CORO7: variants seen among roughly 807,000 people sequenced by gnomAD.
CORO7 encodes the protein coronin 7.
A neutral mutation model predicts 126.6 loss-of-function variants in CORO7; 107 were observed. That is an observed-to-expected ratio of 0.85 (90% CI 0.72 to 0.99). CORO7 has a LOEUF of 0.99. Ranked by LOEUF, CORO7 falls within the 50% of genes least tolerant of loss-of-function variation. The probability of loss-of-function intolerance (pLI) is 0.00; values close to 1 mark genes in which losing one functional copy is unlikely to be tolerated. For missense variants in CORO7, 1,314 were observed against 1,255.8 expected, an observed-to-expected ratio of 1.05 and a Z score of -0.70; for synonymous variants, 603 against 536.8, an observed-to-expected ratio of 1.12 and a Z score of -1.70.
At chr16:4,408,348 C>G in intron 3 of CORO7, 97 bp from the exon 4 acceptor site, 1 of 1,545,574 alleles carries the variant, frequency 6.5e-7, no homozygotes. Context: ...TTTGTGTGCA[C>G]ACAGAAACAG....
Position 4,416,477 on chromosome 16 carries a change from A to G in CORO7, c.42T>C (p.Ala14=), listed in dbSNP as rs774784230. Residue 14 remains alanine, a synonymous_variant, in exon 1 of 28, where the codon GCT becomes GCC. Transcript: ENST00000251166. The stretch of plus-strand genomic sequence containing the variant: ...GACTCACCTCGCGGCGGGGCGGCCG[A>G]GCCTCGGTGTGCCGGAACTTGGACA... ...FRVSKFRHTE[A]RPPRRESWIS... is the part of the protein sequence containing the mutation. The G allele has an allele frequency of 6.3e-7, 1 of 1,577,408 alleles. No homozygotes were observed. Among genetic ancestry groups the G allele is most frequent in the Non-Finnish European group, 8.6e-7 (1 of 1,165,382 alleles).
At chr16:4,412,176 G>A (rs911739178) in intron 3 of CORO7, among the ~76,000 whole-genome samples, 180 bp downstream of exon 3, 6 of 151,976 alleles carry the variant, frequency 3.9e-5, no homozygotes, top group Admixed American at 1.3e-4. Flanking sequence ...TGCCCAGGCC[G>A]GAATTCTACA....
chr16:4,373,826 C>G (rs1025200564), intron 9 of CORO7, among the ~76,000 whole-genome samples: 13 of 152,176 alleles, frequency 8.5e-5, no homozygotes, highest in African/African-American at 2.9e-4. Flanking sequence ...GCCAGACAGC[C>G]AGTCCTGCCA....
In CORO7 at chr16:4,396,634, C is replaced by T. The variant is rs78751998; in HGVS notation, c.565-1295G>A. Among the ~76,000 whole-genome samples, 10 of 152,274 alleles carry T rather than the reference C, an allele frequency of 6.6e-5. No homozygotes were observed. The East Asian group carries it at 1.5e-3, about 23-fold the overall frequency. ...GGGGCTGGTTAACTTTTCCTTTTTA[C>T]GTCTTAGCACAGGTCTATTTTGTTT... is the stretch of plus-strand genomic sequence containing the variant. On this transcript the variant is annotated intron_variant, in intron 6 of 27. Coordinates refer to ENST00000251166, the MANE Select transcript of CORO7 (RefSeq NM_024535.5).
Position 4,362,560 on chromosome 16 carries a change from G to A in CORO7, c.1402+52C>T. The A allele has an allele frequency of 6.7e-7, 1 of 1,494,580 alleles. No individual in the cohort carries two copies. The highest frequency in any genetic ancestry group is 8.9e-7 in the Non-Finnish European group (1 of 1,124,048). 92.6% of individuals were successfully genotyped at this position (1,494,580 alleles called of 1,614,324 possible). A position where few individuals can be genotyped will look rare whatever the true frequency, so the allele number is the denominator to read the frequency against. ...GTACACAGGAGGATGACGGGGAGTG[G>A]GGCAGACAGGGCTCCTGCGGTAGGG... On this transcript the variant is annotated intron_variant, in intron 15 of 27. Transcript: ENST00000251166. The surrounding 1 kb of genome is among the most constrained non-coding windows in gnomAD (Gnocchi z 5.3).
At chr16:4,359,701 C>T in intron 21 of CORO7, 80 bp from the exon 22 acceptor site, 1 of 1,504,226 alleles carries the variant, frequency 6.6e-7, no homozygotes, top group South Asian at 1.3e-5. Flanking sequence ...CCACGTAGCC[C>T]CTGCTCTGTT....
chr16:4,404,640 C>T (rs1567299570), intron 6 of CORO7, among the ~76,000 whole-genome samples: 2 of 152,252 alleles, frequency 1.3e-5, no homozygotes, highest in East Asian at 3.9e-4. Context: ...TCTAGCGCCC[C>T]CTCTCTGCCA....
chr16:4,402,472 C>G (rs1453224154), intron 6 of CORO7, among the ~76,000 whole-genome samples: 1 of 151,544 alleles, frequency 6.6e-6, no homozygotes, highest in South Asian at 2.1e-4. Context: ...ATCTTGAACT[C>G]CTGGGCTCAA....
chr16:4,362,003 T>C lies in CORO7; in HGVS notation c.1560A>G (p.Gly520=), dbSNP rs2054195720. 1 of 1,609,218 alleles carries C rather than the reference T, an allele frequency of 6.2e-7. No homozygotes were observed. Among genetic ancestry groups the C allele is most frequent in the Non-Finnish European group, 8.5e-7 (1 of 1,178,218 alleles). The change falls in exon 16 of 28, where the codon GGA becomes GGG. Residue 520 remains glycine (G), a synonymous_variant. Coordinates refer to ENST00000251166, the MANE Select transcript of CORO7 (RefSeq NM_024535.5). The surrounding 1 kb of genome is among the most constrained non-coding windows in gnomAD (Gnocchi z 5.3). ...CCCTCACCTCAAGCACAGCCACCTG[T>C]CCCCCGCTGCTGAGCAGCGGCACGG... is the stretch of plus-strand genomic sequence containing the variant. ...RVAVPLLSSG[G]QVAVLELRKP...
At position 4,362,947 on chromosome 16, in the gene CORO7, T is replaced by A; in HGVS notation, c.1276-209A>T. On this transcript the variant is annotated intron_variant, in intron 14 of 27. Coordinates refer to ENST00000251166, the MANE Select transcript of CORO7 (RefSeq NM_024535.5). The surrounding 1 kb of genome is among the most constrained non-coding windows in gnomAD (Gnocchi z 5.3). Reference sequence around the variant, plus strand: ...AGCTTCAGACCGCGGGGACAGCAAGTGGCAGCTGCTGGCTCCCAGCCCTGC... The same window carrying A: ...AGCTTCAGACCGCGGGGACAGCAAGAGGCAGCTGCTGGCTCCCAGCCCTGC... The A allele has an allele frequency of 2.2e-6, 1 of 458,428 alleles. No individual in the cohort carries two copies. The highest frequency in any genetic ancestry group is 3.6e-6 in the Non-Finnish European group (1 of 281,182). The allele number at this position is 458,428 out of a possible 1,614,324, so 28.4% of individuals were successfully genotyped here. A position where few individuals can be genotyped will look rare whatever the true frequency, so the allele number is the denominator to read the frequency against.
intron 12 of CORO7, 31 bp downstream of exon 12, chr16:4,364,744 C>G: frequency 6.2e-7 from 1 of 1,600,882 alleles, no homozygotes; most frequent in East Asian, 2.3e-5. Flanking sequence ...ACTCCCCAGC[C>G]CCCGCAGTCC....
At chr16:4,406,939 A>G (rs1468182161) in intron 5 of CORO7, among the ~76,000 whole-genome samples, 1 of 151,012 alleles carries the variant, frequency 6.6e-6, no homozygotes, top group Non-Finnish European at 1.5e-5. Flanking sequence ...GCGCCCGGCC[A>G]AAGTTATTTT....
rs775869483 is a variant in CORO7, at chr16:4,361,228, G to A, written c.1708C>T (p.Arg570Ter). The change falls in exon 18 of 28, where the codon CGA becomes TGA. Residue 570 changes from arginine to a stop codon, truncating the protein, a stop_gained. Coordinates refer to ENST00000251166, the MANE Select transcript of CORO7 (RefSeq NM_024535.5). LOFTEE classifies it high-confidence loss of function. ...LAVAGEDARI[R>*]LWRVPAEGLE... ...CCCTCTGCGGGTACCCGCCACAGTC[G>A]GATCCTGGCGTCCTCACCAGCTGCA... is the stretch of plus-strand genomic sequence containing the variant. 8.1e-6 allele frequency: 13 copies of A among 1,612,666 alleles called. No homozygotes were observed. The highest frequency in any genetic ancestry group is 1.7e-5 in the Admixed American group (1 of 60,022).
chr16:4,357,304 G>C (rs1199656123), intron 25 of CORO7, 45 bp from the exon 26 acceptor site: 1 of 1,544,686 alleles, frequency 6.5e-7, no homozygotes, highest in South Asian at 1.2e-5. Context: ...CCTTCGTTAG[G>C]GCTCTTTGGT....
At chr16:4,406,242 C>T (rs554556063) in intron 5 of CORO7, among the ~76,000 whole-genome samples, 6 of 152,130 alleles carry the variant, frequency 3.9e-5, no homozygotes, top group East Asian at 3.9e-4. Flanking sequence ...TCAAGTGATC[C>T]GCCCACCTCG....
intron 6 of CORO7, among the ~76,000 whole-genome samples, chr16:4,395,996 T>TGTGTGTGTGTGTGTGTGTGTG (rs55837244): frequency 5.8e-4 from 88 of 151,228 alleles, no homozygotes; most frequent in African/African-American, 1.9e-3. Flanking sequence ...CATGCACACG[T>TGTGTGTGTGTGTGTGTGTGTG]TGTGTGTGTG....
chr16:4,363,520 C>A (rs1465737112), intron 14 of CORO7, among the ~76,000 whole-genome samples: 3 of 151,716 alleles, frequency 2.0e-5, no homozygotes, highest in African/African-American at 7.3e-5. Flanking sequence ...GCCTGGCCAA[C>A]ATGGTGAAAA....
Position 4,360,481 on chromosome 16 carries a change from C to CG in CORO7, c.1984dup (p.Arg662ProfsTer10). 6.2e-7 allele frequency: 1 copy of CG among 1,612,382 alleles called. No individual in the cohort carries two copies. The highest frequency in any genetic ancestry group is 8.5e-7 in the Non-Finnish European group (1 of 1,179,684). ...AGGGCCACTCCGGGGCCTGTAGACC[C>CG]GCACACGCCCATCCTTGCAGACAGT... On this transcript the variant is annotated frameshift_variant, in exon 20 of 28. Transcript: ENST00000251166. LOFTEE classifies it high-confidence loss of function.
chr16:4,416,010 C>A (rs1346285335), intron 1 of CORO7: 2 of 467,824 alleles, frequency 4.3e-6, no homozygotes, highest in Non-Finnish European at 5.6e-6. Context: ...CTCGCCGGGG[C>A]CAGAGGAGAG....
Sources: allele counts gnomAD v4.1 joint callset (sites outside exome capture counted in the v4.1 genomes callset), GRCh38; gene constraint gnomAD v4.1.1; non-coding constraint Gnocchi (gnomAD v3.1); transcripts MANE v1.5; gene names NCBI Gene and HGNC (gene_info 2026-07-23, HGNC 2026-07-21).